Variants in PACRGL observed in about 807,000 individuals in gnomAD.
PACRGL encodes the protein PACRG-like protein.
In PACRGL, 38 loss-of-function variants were observed where a neutral mutation model predicts 34.5. The ratio of observed to expected loss-of-function variants is 1.10; its 90% CI spans 0.85 to 1.44. The LOEUF (loss-of-function observed/expected upper bound fraction) is 1.44. Among genes scored for constraint, PACRGL ranks in the 40% most tolerant of loss-of-function variants. The pLI, the probability that PACRGL is intolerant of heterozygous loss-of-function variation, is 0.00. For missense variants in PACRGL, 305 were observed against 281.4 expected, an observed-to-expected ratio of 1.08 and a Z score of -0.60; for synonymous variants, 128 against 100.1, an observed-to-expected ratio of 1.28 and a Z score of -1.66.
Position 20,728,231 on chromosome 4 carries a change from CAACT to C in PACRGL, c.*892_*895del, listed in dbSNP as rs1156934568. On this transcript the variant is annotated 3_prime_UTR_variant, in exon 9 of 9. Coordinates refer to ENST00000503585, the MANE Select transcript of PACRGL (RefSeq NM_001258345.3). The stretch of plus-strand genomic sequence containing the variant: ...GTATGTTGTTTATTACAACTCATTA[CAACT>C]ACCTAAATTTTAGGTGTTAACTGTA... The C allele has an allele frequency of 1.3e-5, 2 of 151,970 alleles. No homozygotes were observed. The highest frequency in any genetic ancestry group is 1.3e-4 in the Admixed American group (2 of 15,260). 9.4% of individuals were successfully genotyped at this position (151,970 alleles called of 1,614,324 possible).
intron 2 of PACRGL, 53 bp downstream of exon 2, chr4:20,704,586 C>A: frequency 6.2e-7 from 1 of 1,612,826 alleles, no homozygotes; most frequent in Non-Finnish European, 8.5e-7. Flanking sequence ...ATGGCACTTT[C>A]TGTGCTACAG....
Position 20,730,298 on chromosome 4 carries a change from C to T in PACRGL, c.*2957C>T, listed in dbSNP as rs1747710619. 6.6e-6 allele frequency among the ~76,000 whole-genome samples: 1 copy of T among 152,164 alleles called. No homozygotes were observed. Among genetic ancestry groups the T allele is most frequent in the South Asian group, 2.1e-4 (1 of 4,834 alleles). On this transcript the variant is annotated 3_prime_UTR_variant, in exon 9 of 9. Transcript: ENST00000503585. ...AATGCCATTCTATTCTATCCATTTT[C>T]CACATAGATGACTATGAAGGACCCA...
chr4:20,729,726 T>C lies in PACRGL; in HGVS notation c.*2385T>C, dbSNP rs190544273. 427 of 181,324 alleles carry C rather than the reference T, an allele frequency of 2.4e-3. 1 individual carries two copies. The highest frequency in any genetic ancestry group is 3.6e-3 in the Non-Finnish European group (316 of 87,688). The allele number at this position is 181,324 out of a possible 1,614,324, so 11.2% of individuals were successfully genotyped here. On this transcript the variant is annotated 3_prime_UTR_variant, in exon 9 of 9. Transcript: ENST00000503585. ...ATTCAAAATCCTAGGACTGAATACA[T>C]ACAAATGAGTAGCAAAAAACACTGA...
downstream of PACRGL, chr4:20,732,648 T>G: frequency 7.2e-7 from 1 of 1,397,910 alleles, no homozygotes; most frequent in Non-Finnish European, 1.0e-6. Context: ...TCTCCTAACT[T>G]CATGCCCTCT....
At position 20,729,609 on chromosome 4, in the gene PACRGL, T is replaced by G; in HGVS notation, c.*2268T>G. 1 of 69,466 alleles carries G rather than the reference T, an allele frequency of 1.4e-5. No individual in the cohort carries two copies. The highest frequency in any genetic ancestry group is 7.6e-5 in the African/African-American group (1 of 13,156). The allele number at this position is 69,466 out of a possible 1,614,324, so 4.3% of individuals were successfully genotyped here. On this transcript the variant is annotated 3_prime_UTR_variant, in exon 9 of 9. Transcript: ENST00000503585. ...TGTAATCTTGTTTCCTTAAAGTATATAAATGGAATTTAAATGGAATTACAG... is the reference window on the plus strand; with the variant it reads ...TGTAATCTTGTTTCCTTAAAGTATAGAAATGGAATTTAAATGGAATTACAG...
chr4:20,720,767 T>G (rs1023663875), intron 7 of PACRGL, among the ~76,000 whole-genome samples: 3 of 152,138 alleles, frequency 2.0e-5, no homozygotes, highest in African/African-American at 7.2e-5. Context: ...ATTTTTTCCT[T>G]CATTTCAACC....
At chr4:20,734,813 G>A, downstream of PACRGL, 1 of 732,264 alleles carries the variant, frequency 1.4e-6, no homozygotes. Context: ...ATGTAAGTAA[G>A]GGCTACAACC....
the PACRGL span, among the ~76,000 whole-genome samples, chr4:20,765,058 T>C: frequency 6.6e-6 from 1 of 152,200 alleles, no homozygotes; most frequent in Non-Finnish European, 1.5e-5. Flanking sequence ...GAGACATCTT[T>C]TTGCTCATTT....
intron 8 of PACRGL, among the ~76,000 whole-genome samples, chr4:20,743,766 A>T (rs1432762072): frequency 6.6e-6 from 1 of 152,192 alleles, no homozygotes; most frequent in East Asian, 1.9e-4. Context: ...CAAAATTGAC[A>T]AATGGGATCT....
rs531993838 is a variant in PACRGL, at chr4:20,714,105, G to T, written c.609+566G>T. Among the ~76,000 whole-genome samples, 67 of 152,196 alleles carry T rather than the reference G, an allele frequency of 4.4e-4. No homozygotes were observed. In the South Asian group the frequency reaches 9.3e-3, roughly 21 times the overall value. On this transcript the variant is annotated intron_variant, in intron 7 of 8. Transcript: ENST00000503585. ...CTAATGTTGACAGTGGGGTGTTAAA[G>T]TCTCCCATTATTATTGTGTGGGAGT...
chr4:20,756,392 A>G (rs1164100615), downstream of PACRGL, among the ~76,000 whole-genome samples: 3 of 151,914 alleles, frequency 2.0e-5, no homozygotes, highest in East Asian at 1.9e-4. Context: ...TCTGAATCCT[A>G]TTTATCTCTT....
the PACRGL span, among the ~76,000 whole-genome samples, chr4:20,761,762 GTGTTTTA>G: frequency 6.6e-6 from 1 of 152,206 alleles, no homozygotes; most frequent in Non-Finnish European, 1.5e-5. Context: ...TGATATGCAT[GTGTTTTA>G]TGTTTAATCA....
At chr4:20,704,851 T>A in intron 3 of PACRGL, 37 bp downstream of exon 3, 1 of 1,604,326 alleles carries the variant, frequency 6.2e-7, no homozygotes, top group Non-Finnish European at 8.5e-7. Flanking sequence ...GTAGATTTTT[T>A]AAAGGCATTT....
rs1751978829 is a variant in PACRGL at position 20,744,558 on chromosome 4, A to G, written c.*57-8007A>G. 2.0e-5 allele frequency among the ~76,000 whole-genome samples: 3 copies of G among 151,688 alleles called. No individual in the cohort carries two copies. In the South Asian group the frequency reaches 6.3e-4, roughly 32 times the overall value. The stretch of plus-strand genomic sequence containing the variant: ...CGCATGTTCTCACTCATAGGTGGGA[A>G]TTGAAAAATGAGAACACTTGGACAT... On this transcript the variant is annotated intron_variant, in intron 8 of 8. Transcript: ENST00000507634.
At chr4:20,709,251 T>C (rs1312216718) in intron 4 of PACRGL, among the ~76,000 whole-genome samples, 1 of 152,228 alleles carries the variant, frequency 6.6e-6, no homozygotes, top group African/African-American at 2.4e-5. Context: ...TTAACAGAGA[T>C]GAAACTTGGT....
downstream of PACRGL, among the ~76,000 whole-genome samples, chr4:20,755,022 C>T (rs1754265416): frequency 6.6e-6 from 1 of 151,872 alleles, no homozygotes; most frequent in Non-Finnish European, 1.5e-5. Context: ...AATTAATTCC[C>T]CAAATTAATC....
Position 20,724,851 on chromosome 4 carries a change from C to T in PACRGL, c.653C>T (p.Thr218Ile). 3 of 1,500,034 alleles carry T rather than the reference C, an allele frequency of 2.0e-6. No homozygotes were observed. The highest frequency in any genetic ancestry group is 1.3e-5 in the South Asian group (1 of 76,428). The allele number at this position is 1,500,034 out of a possible 1,614,324, so 92.9% of individuals were successfully genotyped here. ...LMDKKFKEPI[T>I]SALQKLEQHG... ...GACAAGAAATTCAAAGAGCCAATCA[C>T]CAGCGCATTACAAAAGCTAGAGCAA... Residue 218 changes from threonine to isoleucine, a missense_variant, in exon 8 of 9, where the codon ACC becomes ATC. Physicochemically the swap from Thr to Ile is moderately conservative, Grantham distance 89. Transcript: ENST00000503585.
At position 20,730,088 on chromosome 4, in the gene PACRGL, C is replaced by G; in HGVS notation, c.*2747C>G. 1 of 1,608,358 alleles carries G rather than the reference C, an allele frequency of 6.2e-7. No homozygotes were observed. Among genetic ancestry groups the G allele is most frequent in the Non-Finnish European group, 8.5e-7 (1 of 1,178,070 alleles). ...TCAGGATCTATTTGACAAGTTAAATCACATTTTCAAAGAGCTGCATGGAGC... is the reference window on the plus strand; with the variant it reads ...TCAGGATCTATTTGACAAGTTAAATGACATTTTCAAAGAGCTGCATGGAGC... On this transcript the variant is annotated 3_prime_UTR_variant, in exon 9 of 9. Transcript: ENST00000503585.
At chr4:20,727,241 A>C in intron 8 of PACRGL, 44 bp from the exon 9 acceptor site, 3 of 1,513,154 alleles carry the variant, frequency 2.0e-6, no homozygotes, top group Non-Finnish European at 2.8e-6. Flanking sequence ...TATTAGGGGA[A>C]CTCTGCATGA....
Sources: gnomAD v4.1 joint callset for allele counts (sites outside exome capture counted in the v4.1 genomes callset) on GRCh38, gnomAD v4.1.1 for gene constraint, MANE v1.5 for transcripts, NCBI Gene and HGNC (gene_info 2026-07-23, HGNC 2026-07-21) for gene names.